Variants in PALLD observed in about 807,000 individuals in gnomAD.
PALLD encodes the protein palladin, cytoskeletal associated protein, also known as palladin.
A neutral mutation model predicts 123.5 loss-of-function variants in PALLD; 61 were observed. The ratio of observed to expected loss-of-function variants is 0.49; its 90% CI spans 0.40 to 0.61. The LOEUF (loss-of-function observed/expected upper bound fraction) is 0.61, where lower values mean the gene tolerates loss of function less well. Among genes scored for constraint, PALLD ranks in the 20% least tolerant of loss-of-function variants. The pLI is 0.00. For synonymous variants in PALLD, 465 were observed against 496.4 expected (o/e 0.94, Z 0.84); for missense variants, 1,273 against 1,377.0 (o/e 0.92, Z 1.20).
At chr4:168,827,476 A>AT (rs1429495234) in intron 10 of PALLD, among the ~76,000 whole-genome samples, 8 of 152,228 alleles carry the variant, frequency 5.3e-5, no homozygotes, top group African/African-American at 1.7e-4. Context: ...ATAGTCCAAG[A>AT]TTGTTAAAAG....
chr4:168,795,853 C>T (rs1203445607), intron 10 of PALLD, among the ~76,000 whole-genome samples: 1 of 151,916 alleles, frequency 6.6e-6, no homozygotes, highest in Non-Finnish European at 1.5e-5. Flanking sequence ...TGACCACAGG[C>T]AAGCACCACC....
At chr4:168,636,315 C>T (rs1776340512) in intron 2 of PALLD, among the ~76,000 whole-genome samples, 1 of 152,122 alleles carries the variant, frequency 6.6e-6, no homozygotes, top group African/African-American at 2.4e-5. Context: ...TAGTGAGACC[C>T]CATCCCTGCA....
Position 168,511,744 on chromosome 4 carries a change from C to T in PALLD, c.240C>T (p.Ser80=), listed in dbSNP as rs1561192202. The T allele has an allele frequency of 1.3e-5, 21 of 1,614,048 alleles. No homozygotes were observed. Among genetic ancestry groups the T allele is most frequent in the Non-Finnish European group, 1.4e-5 (17 of 1,180,034 alleles). ...CTGCAAGCCTCTGTGAACATCCTTC[C>T]CATAAGGAGACCAAATTGGGTGAAC... ...TSPASLCEHP[S]HKETKLGEHA... The change falls in exon 2 of 22, where the codon TCC becomes TCT. Residue 80 remains serine (S), a synonymous_variant. Coordinates refer to ENST00000505667, the MANE Select transcript of PALLD (RefSeq NM_001166108.2).
chr4:168,745,300 A>G (rs558815642), intron 10 of PALLD, among the ~76,000 whole-genome samples: 9 of 152,238 alleles, frequency 5.9e-5, no homozygotes, highest in Non-Finnish European at 1.2e-4. Context: ...CTCCTAGCTC[A>G]GCATTCCTCT....
Position 168,926,316 on chromosome 4 carries a change from G to A in PALLD, c.*136G>A, listed in dbSNP as rs752296365. ...ACCAGGGACTAGACATCAAAGCAGC[G>A]TTCCAACCTGAGGCCAACCCATCTC... On this transcript the variant is annotated 3_prime_UTR_variant, in exon 22 of 22. Transcript: ENST00000505667. The A allele has an allele frequency of 2.6e-5, 40 of 1,537,192 alleles. No homozygotes were observed. Among genetic ancestry groups the A allele is most frequent in the South Asian group, 5.9e-5 (5 of 84,058 alleles).
At chr4:168,622,842 C>A (rs1158372674) in intron 2 of PALLD, among the ~76,000 whole-genome samples, 1 of 152,220 alleles carries the variant, frequency 6.6e-6, no homozygotes, top group African/African-American at 2.4e-5. Context: ...GGAGGTTATC[C>A]AGTCACCCGT....
intron 10 of PALLD, among the ~76,000 whole-genome samples, chr4:168,860,948 A>G (rs1460269558): frequency 1.3e-5 from 2 of 152,226 alleles, no homozygotes; most frequent in Non-Finnish European, 2.9e-5. Context: ...AAATTGAAGA[A>G]GCTGGTTTCT....
At chr4:168,603,285 A>G (rs371466240) in intron 2 of PALLD, among the ~76,000 whole-genome samples, 1 of 152,228 alleles carries the variant, frequency 6.6e-6, no homozygotes, top group South Asian at 2.1e-4. Flanking sequence ...AATTAAAAGT[A>G]TCTCAGGATT....
chr4:168,506,324 A>AAC (rs1165178291), intron 1 of PALLD, among the ~76,000 whole-genome samples: 1 of 151,886 alleles, frequency 6.6e-6, no homozygotes, highest in African/African-American at 2.4e-5. Flanking sequence ...TCAGTTTGGG[A>AAC]ACTCTCCTTT....
intron 11 of PALLD, among the ~76,000 whole-genome samples, chr4:168,893,573 C>T (rs1754503542): frequency 6.6e-6 from 1 of 152,168 alleles, no homozygotes; most frequent in Non-Finnish European, 1.5e-5. Context: ...AATTTCTGTA[C>T]ATTTTTTAGA....
In PALLD at chr4:168,877,827, C is replaced by T. The variant is rs186421929; in HGVS notation, c.1965-13095C>T. The T allele has an allele frequency of 8.4e-6, 11 of 1,306,596 alleles. No homozygotes were observed. The South Asian group carries it at 9.2e-5, about 11-fold the overall frequency. The allele number at this position is 1,306,596 out of a possible 1,614,324, so 80.9% of individuals were successfully genotyped here. A position where few individuals can be genotyped will look rare whatever the true frequency, so the allele number is the denominator to read the frequency against. On this transcript the variant is annotated intron_variant, in intron 10 of 21. Coordinates refer to ENST00000505667, the MANE Select transcript of PALLD (RefSeq NM_001166108.2). ...CCGCGCAGCGCGCCGCCCTCGCCCC[C>T]CTTCCCGCCGCCGCCCGCCTTCCCC...
rs1752214434 is a variant in PALLD at position 168,878,794 on chromosome 4, C to T, written c.1965-12128C>T. On this transcript the variant is annotated intron_variant, in intron 10 of 21. Coordinates refer to ENST00000505667, the MANE Select transcript of PALLD (RefSeq NM_001166108.2). ...AGGTAGCATTGCCCCAGTTAAAGTA[C>T]TGAGGAGTCTAGGAGTTAAATAAAT... Among the ~76,000 whole-genome samples the T allele has an allele frequency of 2.0e-5, 3 of 151,642 alleles. No individual in the cohort carries two copies. In the South Asian group the frequency reaches 6.3e-4, roughly 32 times the overall value.
chr4:168,841,982 G>T (rs958945221), intron 10 of PALLD, among the ~76,000 whole-genome samples: 1 of 152,212 alleles, frequency 6.6e-6, no homozygotes, highest in East Asian at 1.9e-4. Context: ...GAGTAATCCA[G>T]CTCCACTGTT....
chr4:168,669,170 A>C (rs1425935892), intron 3 of PALLD, among the ~76,000 whole-genome samples: 1 of 152,186 alleles, frequency 6.6e-6, no homozygotes, highest in African/African-American at 2.4e-5. Context: ...GTACTTTTTT[A>C]AACTATTTAA....
chr4:168,691,965 T>C (rs1240225320), intron 8 of PALLD, among the ~76,000 whole-genome samples: 1 of 152,216 alleles, frequency 6.6e-6, no homozygotes, highest in Non-Finnish European at 1.5e-5. Context: ...CAAATTTTTG[T>C]CTAGGTACTT....
intron 2 of PALLD, among the ~76,000 whole-genome samples, chr4:168,556,796 C>G (rs1767353924): frequency 6.6e-6 from 1 of 152,156 alleles, no homozygotes; most frequent in African/African-American, 2.4e-5. Flanking sequence ...AGTGTCACAC[C>G]TTGGGGCTGC....
chr4:168,533,128 C>G (rs1764755381), intron 2 of PALLD, among the ~76,000 whole-genome samples: 1 of 152,160 alleles, frequency 6.6e-6, no homozygotes, highest in Non-Finnish European at 1.5e-5. Context: ...AAATATACAT[C>G]AAACCTTTGG....
rs941222674 is a variant in PALLD at position 168,928,041 on chromosome 4, C to G, written c.*1861C>G. On this transcript the variant is annotated 3_prime_UTR_variant, in exon 22 of 22. Coordinates refer to ENST00000505667, the MANE Select transcript of PALLD (RefSeq NM_001166108.2). ...ACTGTTTCACATGTACAGCTTTCTA[C>G]TTCTTTGTAAGAACACCAACCAACC... is the stretch of plus-strand genomic sequence containing the variant. 1 of 195,282 alleles carries G rather than the reference C, an allele frequency of 5.1e-6. No individual in the cohort carries two copies. The highest frequency in any genetic ancestry group is 1.1e-5 in the Non-Finnish European group (1 of 93,678). 12.1% of individuals were successfully genotyped at this position (195,282 alleles called of 1,614,324 possible). A position where few individuals can be genotyped will look rare whatever the true frequency, so the allele number is the denominator to read the frequency against.
rs867904884 is a variant in PALLD, at chr4:168,910,600, C to T, written c.2623-3327C>T. ...TAACATTTTGAGCATTGGCTTCATGCAAAACACAATGCTGCCCGGTGCTTT... is the reference window on the plus strand; with the variant it reads ...TAACATTTTGAGCATTGGCTTCATGTAAAACACAATGCTGCCCGGTGCTTT... On this transcript the variant is annotated intron_variant, in intron 15 of 21. Transcript: ENST00000505667. Among the ~76,000 whole-genome samples, 32 of 152,150 alleles carry T rather than the reference C, an allele frequency of 2.1e-4. 1 individual carries two copies. The highest frequency in any genetic ancestry group is 2.0e-3 in the Admixed American group (31 of 15,262).
Sources: gnomAD v4.1 joint callset for allele counts (sites outside exome capture counted in the v4.1 genomes callset) on GRCh38, gnomAD v4.1.1 for gene constraint, MANE v1.5 for transcripts, NCBI Gene and HGNC (gene_info 2026-07-23, HGNC 2026-07-21) for gene names.